The following DOCK9 variants were observed in gnomAD, a reference collection of about 807,000 sequenced individuals.
DOCK9 encodes the protein dedicator of cytokinesis 9, also known as dedicator of cytokinesis protein 9.
In DOCK9, 89 loss-of-function variants were observed where a neutral mutation model predicts 263.3. The ratio of observed to expected loss-of-function variants is 0.34; its 90% CI spans 0.28 to 0.40. DOCK9 has a LOEUF of 0.40. Ranked by LOEUF, DOCK9 falls within the 10% of genes least tolerant of loss-of-function variation. The pLI, the probability that DOCK9 is intolerant of heterozygous loss-of-function variation, is 1.00. For synonymous variants in DOCK9, 976 were observed against 973.1 expected, an observed-to-expected ratio of 1.00 and a Z score of -0.06; for missense variants, 2,140 against 2,603.4, an observed-to-expected ratio of 0.82 and a Z score of 3.87.
chr13:98,998,979 G>A (rs1595869098), intron 1 of DOCK9, among the ~76,000 whole-genome samples: 1 of 152,126 alleles, frequency 6.6e-6, no homozygotes, highest in East Asian at 1.9e-4. Context: ...AGCAAGCTCG[G>A]ATCACACTTT....
chr13:98,862,626 T>C (rs1023042113), intron 32 of DOCK9, among the ~76,000 whole-genome samples: 2 of 150,078 alleles, frequency 1.3e-5, no homozygotes, highest in African/African-American at 4.9e-5. Flanking sequence ...GAGGTGGAGG[T>C]TGCAGTGAGC....
intron 1 of DOCK9, among the ~76,000 whole-genome samples, chr13:98,988,258 A>C (rs1443835784): frequency 1.3e-5 from 2 of 152,236 alleles, no homozygotes; most frequent in African/African-American, 4.8e-5. Flanking sequence ...AGAGCACTAA[A>C]AACTCAGTAA....
chr13:98,884,323 C>T (rs976716429), intron 21 of DOCK9, among the ~76,000 whole-genome samples: 2 of 152,230 alleles, frequency 1.3e-5, no homozygotes, highest in African/African-American at 4.8e-5. Context: ...ACTTTTGAAA[C>T]CTCCATTTCT....
intron 45 of DOCK9, among the ~76,000 whole-genome samples, chr13:98,818,314 A>G (rs1197216371): frequency 6.6e-6 from 1 of 152,196 alleles, no homozygotes; most frequent in Non-Finnish European, 1.5e-5. Context: ...ACCAATACAA[A>G]ATTATTCAGT....
intron 1 of DOCK9, among the ~76,000 whole-genome samples, chr13:99,080,231 G>A (rs777571344): frequency 2.6e-5 from 4 of 151,630 alleles, no homozygotes; most frequent in Admixed American, 6.6e-5. Context: ...CACCATATCC[G>A]ACTACTGCTC....
At chr13:98,840,975 T>C (rs2093188933) in intron 38 of DOCK9, among the ~76,000 whole-genome samples, 1 of 152,260 alleles carries the variant, frequency 6.6e-6, no homozygotes, top group East Asian at 1.9e-4. Context: ...TCATGGCATA[T>C]GGTTTTATTG....
intron 45 of DOCK9, among the ~76,000 whole-genome samples, chr13:98,822,587 G>A (rs1189875114): frequency 3.9e-5 from 6 of 152,072 alleles, no homozygotes; most frequent in African/African-American, 7.3e-5. Context: ...GTTGAAATTC[G>A]CCTGAAGTGA....
At chr13:98,987,077 G>GCCACCACCACCACCGCCACCA (rs1567174350) in intron 1 of DOCK9, among the ~76,000 whole-genome samples, 1 of 149,350 alleles carries the variant, frequency 6.7e-6, no homozygotes, top group African/African-American at 2.4e-5. Flanking sequence ...CACCACCACC[G>GCCACCACCACCACCGCCACCA]CCACCACCAC....
rs140914999 is a variant in DOCK9 at position 99,010,266 on chromosome 13, C to T, written c.130-54715G>A. 1.2e-4 allele frequency among the ~76,000 whole-genome samples: 18 copies of T among 152,364 alleles called. No homozygotes were observed. In the South Asian group the frequency reaches 1.7e-3, roughly 14 times the overall value. ...ATCCATCAGCTCTTCAATTCTTCCA[C>T]AGCTACTTGACGTGGAATATGATAT... is the stretch of plus-strand genomic sequence containing the variant. On this transcript the variant is annotated intron_variant, in intron 1 of 32. Transcript: ENST00000427887.
chr13:98,855,836 G>A (rs535810832), intron 34 of DOCK9, 62 bp downstream of exon 34: 190 of 1,593,198 alleles, frequency 1.2e-4, no homozygotes, highest in African/African-American at 2.0e-4. Flanking sequence ...CATGAAGTAC[G>A]TTTACTTTGG....
At chr13:98,936,692 C>T (rs1264358165) in intron 2 of DOCK9, among the ~76,000 whole-genome samples, 1 of 151,400 alleles carries the variant, frequency 6.6e-6, no homozygotes, top group East Asian at 1.9e-4. Flanking sequence ...TAGGAACCTA[C>T]CAATAACCAT....
At chr13:98,914,499 A>G in intron 8 of DOCK9, 104 bp from the exon 9 acceptor site, 1 of 935,968 alleles carries the variant, frequency 1.1e-6, no homozygotes, top group South Asian at 1.6e-5. Context: ...AAATGAACAC[A>G]GTGGTTCCCC....
At chr13:98,886,647 G>A (rs541908025) in intron 18 of DOCK9, 23 bp from the exon 19 acceptor site, 1 of 1,594,298 alleles carries the variant, frequency 6.3e-7, no homozygotes, top group South Asian at 1.1e-5. Flanking sequence ...TTACCAAAGG[G>A]AAACATCACG....
At chr13:98,963,984 C>T (rs2058945895) in intron 1 of DOCK9, among the ~76,000 whole-genome samples, 1 of 152,192 alleles carries the variant, frequency 6.6e-6, no homozygotes, top group African/African-American at 2.4e-5. Context: ...GTAGGGTGGG[C>T]ACAGGAAAAT....
chr13:98,846,648 T>C lies in DOCK9; in HGVS notation c.4062-588A>G, dbSNP rs74111314. The C allele has an allele frequency of 8.3e-3, 8,035 of 963,598 alleles. 432 individuals carry two copies. In the African/African-American group the frequency reaches 0.12, roughly 14 times the overall value. The allele number at this position is 963,598 out of a possible 1,614,324, so 59.7% of individuals were successfully genotyped here. A position where few individuals can be genotyped will look rare whatever the true frequency, so the allele number is the denominator to read the frequency against. Reference sequence around the variant, plus strand: ...TGCTGTGTACCATCACCAGAGCAGATGAAAATGAGACCAGGGCTGCAATGA... The same window carrying C: ...TGCTGTGTACCATCACCAGAGCAGACGAAAATGAGACCAGGGCTGCAATGA... On this transcript the variant is annotated intron_variant, in intron 37 of 52. Coordinates refer to ENST00000682017, the MANE Select transcript of DOCK9 (RefSeq NM_001366683.2).
chr13:98,978,423 C>T (rs1359185778), upstream of DOCK9, among the ~76,000 whole-genome samples: 1 of 152,142 alleles, frequency 6.6e-6, no homozygotes, highest in African/African-American at 2.4e-5. Context: ...AAACCAAATG[C>T]CTGGCTGATG....
In DOCK9 at chr13:98,842,252, G is replaced by A. The variant is rs547186775; in HGVS notation, c.4198+3672C>T. Among the ~76,000 whole-genome samples, 8 of 152,202 alleles carry A rather than the reference G, an allele frequency of 5.3e-5. No individual in the cohort carries two copies. The East Asian group carries it at 1.4e-3, about 26-fold the overall frequency. On this transcript the variant is annotated intron_variant, in intron 38 of 52. Transcript: ENST00000682017. ...GTGACCTGGACAATACCCCAGCTGG[G>A]CCTCCTCCAGTCTGTTTGCACAGCT...
At chr13:98,950,624 C>G (rs1308822839) in intron 2 of DOCK9, among the ~76,000 whole-genome samples, 1 of 152,172 alleles carries the variant, frequency 6.6e-6, no homozygotes, top group Non-Finnish European at 1.5e-5. Flanking sequence ...TTTTATCCTT[C>G]CATACAAGCT....
intron 27 of DOCK9, among the ~76,000 whole-genome samples, chr13:98,877,210 T>C (rs1384577197): frequency 1.3e-5 from 2 of 152,242 alleles, no homozygotes; most frequent in Non-Finnish European, 2.9e-5. Context: ...GCAGGTCACT[T>C]CACAGTCTAT....
Sources: gnomAD v4.1 joint callset for allele counts (sites outside exome capture counted in the v4.1 genomes callset) on GRCh38, gnomAD v4.1.1 for gene constraint, MANE v1.5 for transcripts, NCBI Gene and HGNC (gene_info 2026-07-23, HGNC 2026-07-21) for gene names.